The following FAT3 variants were observed in gnomAD, a reference collection of about 807,000 sequenced individuals.
FAT3 encodes the protein protocadherin Fat 3.
FAT3 carries 95 observed loss-of-function variants against 310.2 expected under a neutral mutation model. The ratio of observed to expected loss-of-function variants is 0.31; its 90% CI spans 0.26 to 0.36. FAT3 has a LOEUF of 0.36. Ranked by LOEUF, FAT3 falls within the 10% of genes least tolerant of loss-of-function variation. The pLI is 1.00. For missense variants in FAT3, 5,408 were observed against 5,715.6 expected, an observed-to-expected ratio of 0.95 and a Z score of 1.74; for synonymous variants, 2,314 against 2,192.9, an observed-to-expected ratio of 1.06 and a Z score of -1.54.
chr11:92,738,986 C>T (rs1945429405), intron 4 of FAT3, among the ~76,000 whole-genome samples: 1 of 152,116 alleles, frequency 6.6e-6, no homozygotes, highest in Non-Finnish European at 1.5e-5. Flanking sequence ...CATGATGAGT[C>T]CCTGTCACAC....
chr11:92,799,300 A>C lies in FAT3; in HGVS notation c.6287A>C (p.Asp2096Ala). Reference protein sequence around the residue: ...GLPYYAAVQVDAEPGTLIYQV... With the variant: ...GLPYYAAVQVAAEPGTLIYQV... ...CCATACTATGCTGCTGTTCAAGTGG[A>C]TGCGGAACCCGGGACTCTGATTTAT... The change falls in exon 10 of 28, where the codon GAT becomes GCT. Residue 2096 changes from aspartate to alanine, a missense_variant. By Grantham distance (126) the Asp-to-Ala change is moderately radical. Around this residue, in one of 5 missense-constraint regions of FAT3, gnomAD observed 4,588 missense variants for 4,809.8 expected, o/e 0.95. Transcript: ENST00000525166. 1 of 1,613,962 alleles carries C rather than the reference A, an allele frequency of 6.2e-7. No homozygotes were observed. The highest frequency in any genetic ancestry group is 8.5e-7 in the Non-Finnish European group (1 of 1,179,878).
intron 3 of FAT3, among the ~76,000 whole-genome samples, chr11:92,551,361 C>T (rs1954809988): frequency 1.3e-5 from 2 of 150,676 alleles, no homozygotes; most frequent in South Asian, 4.2e-4. Flanking sequence ...CCTCTGCCTT[C>T]CATCTGATTG....
At chr11:92,229,790 T>C (rs943977278) in intron 1 of FAT3, among the ~76,000 whole-genome samples, 2 of 150,362 alleles carry the variant, frequency 1.3e-5, no homozygotes, top group African/African-American at 4.9e-5. Context: ...ACTTAGATTT[T>C]TTTTCTTTTT....
intron 4 of FAT3, among the ~76,000 whole-genome samples, chr11:92,705,720 GTGGTGTGA>G (rs1402858434): frequency 8.6e-6 from 1 of 116,102 alleles, no homozygotes; most frequent in Non-Finnish European, 1.8e-5. Context: ...GGTGGTGGTG[GTGGTGTGA>G]TGGTGTGATG....
intron 22 of FAT3, among the ~76,000 whole-genome samples, chr11:92,870,225 C>T (rs1349666782): frequency 5.9e-5 from 9 of 152,098 alleles, no homozygotes; most frequent in East Asian, 1.9e-4. Context: ...TTTAGGGATA[C>T]AGGATTCTGC....
intron 3 of FAT3, among the ~76,000 whole-genome samples, chr11:92,678,454 G>C (rs1943360577): frequency 6.6e-6 from 1 of 152,224 alleles, no homozygotes; most frequent in African/African-American, 2.4e-5. Context: ...TCATTAATTA[G>C]CATCAATCCA....
intron 2 of FAT3, among the ~76,000 whole-genome samples, chr11:92,448,075 G>A (rs888878214): frequency 5.9e-5 from 9 of 152,036 alleles, no homozygotes; most frequent in Non-Finnish European, 8.8e-5. Context: ...GTGTGGCCTC[G>A]GACAAGTCTT....
At chr11:92,315,549 A>G (rs1038609667) in intron 1 of FAT3, among the ~76,000 whole-genome samples, 51 of 142,118 alleles carry the variant, frequency 3.6e-4, no homozygotes, top group Non-Finnish European at 6.8e-4. Flanking sequence ...AGAGAGAGAG[A>G]GAGAGACTGT....
At chr11:92,456,215 A>G (rs996189811) in intron 2 of FAT3, among the ~76,000 whole-genome samples, 2 of 152,228 alleles carry the variant, frequency 1.3e-5, no homozygotes, top group African/African-American at 4.8e-5. Context: ...CTAGGATTAA[A>G]TAAGTAAAGC....
intron 3 of FAT3, among the ~76,000 whole-genome samples, chr11:92,651,379 C>T (rs1008694656): frequency 6.6e-6 from 1 of 152,156 alleles, no homozygotes; most frequent in African/African-American, 2.4e-5. Flanking sequence ...CCCGTTTGGG[C>T]TTGGTCAATG....
Position 92,313,486 on chromosome 11 carries a change from T to C in FAT3, c.-17-38610T>C, listed in dbSNP as rs146440912. On this transcript the variant is annotated intron_variant, in intron 1 of 27. Transcript: ENST00000525166. ...TAAAACTGTGCTACCATTTTTATTA[T>C]GTTTCTGCTTCTTTTTAATGTGTTA... 4.0e-3 allele frequency among the ~76,000 whole-genome samples: 615 copies of C among 152,364 alleles called. 5 individuals are homozygous for C. Among genetic ancestry groups the C allele is most frequent in the Non-Finnish European group, 6.1e-3 (417 of 68,034 alleles).
At chr11:92,268,959 TG>T (rs1946042502) in intron 1 of FAT3, among the ~76,000 whole-genome samples, 2 of 152,126 alleles carry the variant, frequency 1.3e-5, no homozygotes, top group African/African-American at 4.8e-5. Context: ...TTACTTTGTA[TG>T]GGAAAAAATT....
intron 3 of FAT3, among the ~76,000 whole-genome samples, chr11:92,550,057 G>A (rs1201843647): frequency 2.6e-5 from 4 of 152,166 alleles, no homozygotes; most frequent in African/African-American, 9.7e-5. Context: ...TCTAGAGCTT[G>A]TAGAGTCTGC....
chr11:92,446,382 C>T (rs1368659469), intron 2 of FAT3, among the ~76,000 whole-genome samples: 1 of 152,148 alleles, frequency 6.6e-6, no homozygotes, highest in African/African-American at 2.4e-5. Context: ...AGCCCTTTGA[C>T]TCCTCAGCTC....
rs567430750 is a variant in FAT3, at chr11:92,451,940, T to G, written c.3293-72694T>G. On this transcript the variant is annotated intron_variant, in intron 2 of 27. Coordinates refer to ENST00000525166, the MANE Select transcript of FAT3 (RefSeq NM_001367949.2). ...ATGCCTAAACAAGTGCAATGCATGTTTTTGAGTCCTTGTCTTTTTAAAGAC... is the reference window on the plus strand; with the variant it reads ...ATGCCTAAACAAGTGCAATGCATGTGTTTGAGTCCTTGTCTTTTTAAAGAC... 2.6e-5 allele frequency among the ~76,000 whole-genome samples: 4 copies of G among 152,280 alleles called. No individual in the cohort carries two copies. The South Asian group carries it at 8.3e-4, about 32-fold the overall frequency.
chr11:92,578,689 C>T (rs1938621880), intron 3 of FAT3, among the ~76,000 whole-genome samples: 1 of 152,054 alleles, frequency 6.6e-6, no homozygotes, highest in African/African-American at 2.4e-5. Flanking sequence ...CCCTGAATCA[C>T]CTGAATCATA....
chr11:92,672,561 A>G (rs1026517305), intron 3 of FAT3, among the ~76,000 whole-genome samples: 2 of 152,178 alleles, frequency 1.3e-5, no homozygotes, highest in African/African-American at 2.4e-5. Flanking sequence ...CTTTGTGCCA[A>G]TTAGAATTGC....
chr11:92,779,588 T>C (rs886904339), intron 7 of FAT3, among the ~76,000 whole-genome samples: 2 of 152,170 alleles, frequency 1.3e-5, no homozygotes, highest in African/African-American at 4.8e-5. Context: ...ATTTAACTCT[T>C]ACAGTTACTC....
At chr11:92,836,176 A>G (rs954485448) in intron 15 of FAT3, among the ~76,000 whole-genome samples, 1 of 152,172 alleles carries the variant, frequency 6.6e-6, no homozygotes, top group African/African-American at 2.4e-5. Context: ...CTTCCTTAAC[A>G]TGGAAATGCA....
Sources: allele counts gnomAD v4.1 joint callset (sites outside exome capture counted in the v4.1 genomes callset), GRCh38; gene constraint gnomAD v4.1.1; regional missense constraint gnomAD v4.1.1; transcripts MANE v1.5; gene names NCBI Gene and HGNC (gene_info 2026-07-23, HGNC 2026-07-21).